The following BCL2L13 variants were observed in gnomAD, a reference collection of about 807,000 sequenced individuals.
The protein encoded by BCL2L13 is BCL2 like 13.
A neutral mutation model predicts 25.8 loss-of-function variants in BCL2L13; 13 were observed. The observed-to-expected ratio is 0.50, with a 90% CI of 0.33 to 0.80. The LOEUF is 0.80. BCL2L13 is among the 30% of genes least tolerant of loss of function. The probability of loss-of-function intolerance (pLI) is 0.02; values close to 1 mark genes in which losing one functional copy is unlikely to be tolerated. For missense variants in BCL2L13, 504 were observed against 574.9 expected (o/e 0.88, Z 1.26); for synonymous variants, 244 against 230.3 (o/e 1.06, Z -0.54).
chr22:17,684,050 A>G (rs928946495), intron 3 of BCL2L13, among the ~76,000 whole-genome samples: 1 of 151,970 alleles, frequency 6.6e-6, no homozygotes, highest in African/African-American at 2.4e-5. Context: ...CAGCATTTGC[A>G]TTATTTCCGG....
At chr22:17,717,645 C>T (rs1259680272) in intron 6 of BCL2L13, among the ~76,000 whole-genome samples, 1 of 152,116 alleles carries the variant, frequency 6.6e-6, no homozygotes, top group African/African-American at 2.4e-5. Flanking sequence ...TTACCAGCAC[C>T]TAAAGAGCAC....
At chr22:17,663,769 C>T (rs1359179716) in intron 2 of BCL2L13, among the ~76,000 whole-genome samples, 4 of 143,358 alleles carry the variant, frequency 2.8e-5, no homozygotes, top group African/African-American at 7.7e-5. Context: ...TCACTGCAAC[C>T]TCCACCCGCC....
At chr22:17,674,234 T>G (rs951622076) in intron 2 of BCL2L13, among the ~76,000 whole-genome samples, 4 of 152,188 alleles carry the variant, frequency 2.6e-5, no homozygotes, top group African/African-American at 9.7e-5. Flanking sequence ...ATAGACAGAA[T>G]TTGAATTATC....
upstream of BCL2L13, among the ~76,000 whole-genome samples, chr22:17,635,995 C>A (rs1421872160): frequency 6.6e-6 from 1 of 151,998 alleles, no homozygotes; most frequent in African/African-American, 2.4e-5. Flanking sequence ...AGGCGTGAAC[C>A]ACCACGCCCG....
intron 6 of BCL2L13, among the ~76,000 whole-genome samples, chr22:17,714,598 G>T (rs531037965): frequency 2.0e-5 from 3 of 152,266 alleles, no homozygotes; most frequent in Non-Finnish European, 4.4e-5. Flanking sequence ...AGCTTGGGGG[G>T]ACCATGACTC....
At chr22:17,722,335 C>T (rs2061162226) in intron 6 of BCL2L13, among the ~76,000 whole-genome samples, 1 of 151,246 alleles carries the variant, frequency 6.6e-6, no homozygotes, top group South Asian at 2.1e-4. Context: ...CTCAAGGGAT[C>T]ATCCCATTTC....
At position 17,649,526 on chromosome 22, in the gene BCL2L13, G is replaced by A. The variant is rs896910539; in HGVS notation, c.-50-6136G>A. 2.0e-5 allele frequency among the ~76,000 whole-genome samples: 3 copies of A among 151,208 alleles called. 1 individual carries two copies. In the South Asian group the frequency reaches 6.2e-4, roughly 31 times the overall value. On this transcript the variant is annotated intron_variant, in intron 1 of 6. Coordinates refer to ENST00000317582, the MANE Select transcript of BCL2L13 (RefSeq NM_015367.4). ...CTAAAGAGACTTTTTTTTTTGAGAC[G>A]AAGTCTTGCTCTGTCGCCCAGGCTG...
At chr22:17,680,616 T>C (rs1045758317) in intron 2 of BCL2L13, among the ~76,000 whole-genome samples, 2 of 146,104 alleles carry the variant, frequency 1.4e-5, no homozygotes, top group African/African-American at 5.1e-5. Context: ...CAGCTGGCTC[T>C]CCGAGGGGAG....
chr22:17,722,539 G>A (rs1307827185), intron 6 of BCL2L13, among the ~76,000 whole-genome samples: 1 of 152,062 alleles, frequency 6.6e-6, no homozygotes, highest in Non-Finnish European at 1.5e-5. Context: ...ACTGTGCCCA[G>A]CCAGGTCTAA....
chr22:17,649,455 A>G (rs2058603333), intron 1 of BCL2L13, among the ~76,000 whole-genome samples: 1 of 152,094 alleles, frequency 6.6e-6, no homozygotes, highest in South Asian at 2.1e-4. Flanking sequence ...CCTGCTACCA[A>G]AGAAATACTG....
chr22:17,678,313 A>G (rs755472870), intron 2 of BCL2L13, among the ~76,000 whole-genome samples: 3 of 152,098 alleles, frequency 2.0e-5, no homozygotes, highest in Non-Finnish European at 4.4e-5. Context: ...CATGAGCACC[A>G]CACCCAACTG....
chr22:17,665,670 A>G (rs554439757), intron 2 of BCL2L13, among the ~76,000 whole-genome samples: 34 of 152,306 alleles, frequency 2.2e-4, no homozygotes, highest in African/African-American at 7.5e-4. Flanking sequence ...AGATTCATCT[A>G]TGTTATAGCA....
At chr22:17,674,724 AG>A (rs2059527063) in intron 2 of BCL2L13, among the ~76,000 whole-genome samples, 1 of 152,112 alleles carries the variant, frequency 6.6e-6, no homozygotes, top group African/African-American at 2.4e-5. Flanking sequence ...CCTGAGCTCA[AG>A]GGGTCTTCCT....
At chr22:17,701,915 C>CAAAAAAA (rs5844321) in intron 5 of BCL2L13, among the ~76,000 whole-genome samples, 1 of 104,446 alleles carries the variant, frequency 9.6e-6, no homozygotes. Flanking sequence ...GACTCCATCT[C>CAAAAAAA]AAAAAAAAAA....
At chr22:17,713,473 T>TG (rs1015533699) in intron 6 of BCL2L13, among the ~76,000 whole-genome samples, 10 of 150,344 alleles carry the variant, frequency 6.7e-5, no homozygotes, top group Non-Finnish European at 1.5e-4. Flanking sequence ...TTTTTTTTTT[T>TG]TTTTTGGAGA....
chr22:17,684,981 C>T (rs900644866), intron 3 of BCL2L13, among the ~76,000 whole-genome samples: 3 of 151,996 alleles, frequency 2.0e-5, no homozygotes, highest in African/African-American at 4.8e-5. Context: ...GTTTTCTGCC[C>T]GCCTTGGCCT....
At chr22:17,635,593 T>C (rs2058090761), upstream of BCL2L13, among the ~76,000 whole-genome samples, 1 of 152,066 alleles carries the variant, frequency 6.6e-6, no homozygotes, top group Non-Finnish European at 1.5e-5. Context: ...TCAAAATATA[T>C]ATTCAAAAAA....
intron 6 of BCL2L13, among the ~76,000 whole-genome samples, chr22:17,723,940 AAC>A (rs2061223599): frequency 6.6e-6 from 1 of 151,404 alleles, no homozygotes; most frequent in Non-Finnish European, 1.5e-5. Context: ...TCAAAAAAAA[AAC>A]AAAAAAAAAC....
At chr22:17,646,952 T>TAC (rs2058506412) in intron 1 of BCL2L13, among the ~76,000 whole-genome samples, 1 of 41,638 alleles carries the variant, frequency 2.4e-5, no homozygotes, top group Non-Finnish European at 4.3e-5. Context: ...TATATATATA[T>TAC]ATATTTTTTT....
Sources: gnomAD v4.1 joint callset for allele counts (sites outside exome capture counted in the v4.1 genomes callset) on GRCh38, gnomAD v4.1.1 for gene constraint, MANE v1.5 for transcripts, NCBI Gene and HGNC (gene_info 2026-07-23, HGNC 2026-07-21) for gene names.